The following CDK14 variants were observed in gnomAD, a reference collection of about 807,000 sequenced individuals.
CDK14 encodes cyclin dependent kinase 14, also known as cyclin-dependent kinase 14.
A neutral mutation model predicts 60.7 loss-of-function variants in CDK14; 34 were observed. That is an observed-to-expected ratio of 0.56 (90% CI 0.43 to 0.75). The LOEUF is 0.75. Ranked by LOEUF, CDK14 falls within the 30% of genes least tolerant of loss-of-function variation. The pLI is 0.00. For synonymous variants in CDK14, 197 were observed against 203.7 expected, an observed-to-expected ratio of 0.97 and a Z score of 0.28; for missense variants, 482 against 564.1, an observed-to-expected ratio of 0.85 and a Z score of 1.47.
intron 8 of CDK14, among the ~76,000 whole-genome samples, chr7:90,940,982 G>A (rs766835323): frequency 3.3e-5 from 5 of 152,200 alleles, no homozygotes; most frequent in African/African-American, 7.2e-5. Flanking sequence ...CATTACTCAT[G>A]TATTGATCCT....
intron 9 of CDK14, among the ~76,000 whole-genome samples, chr7:90,968,949 G>A (rs1021431022): frequency 3.3e-5 from 5 of 152,132 alleles, no homozygotes; most frequent in African/African-American, 1.2e-4. Context: ...GAGGTGCAAG[G>A]TGAGAAGGAC....
At chr7:91,076,108 G>A (rs997753899) in intron 11 of CDK14, among the ~76,000 whole-genome samples, 25 of 148,162 alleles carry the variant, frequency 1.7e-4, no homozygotes, top group African/African-American at 5.4e-4. Context: ...CACAGAATTA[G>A]AAAAAAAAAC....
At chr7:90,813,280 A>G (rs1294966140) in intron 5 of CDK14, among the ~76,000 whole-genome samples, 2 of 152,200 alleles carry the variant, frequency 1.3e-5, no homozygotes, top group Non-Finnish European at 2.9e-5. Context: ...GCTGGGAGCA[A>G]GGATTGACAG....
At chr7:90,599,400 A>G (rs1319574081) in intron 1 of CDK14, among the ~76,000 whole-genome samples, 1 of 152,196 alleles carries the variant, frequency 6.6e-6, no homozygotes, top group African/African-American at 2.4e-5. Flanking sequence ...GCAGGCCTGG[A>G]TTTGAACTGG....
chr7:90,606,110 T>C (rs1799413968), intron 2 of CDK14, among the ~76,000 whole-genome samples: 1 of 152,198 alleles, frequency 6.6e-6, no homozygotes, highest in Non-Finnish European at 1.5e-5. Flanking sequence ...CACAGAATGC[T>C]CTACTTGGAA....
chr7:91,109,089 G>A (rs541012787), intron 12 of CDK14, among the ~76,000 whole-genome samples: 1 of 152,168 alleles, frequency 6.6e-6, no homozygotes, highest in South Asian at 2.1e-4. Context: ...ATTGGAAGTT[G>A]TTTACCAGCT....
chr7:90,596,579 C>G lies in CDK14; in HGVS notation c.-49C>G. On this transcript the variant is annotated 5_prime_UTR_variant, in exon 1 of 15. Coordinates refer to ENST00000380050, the MANE Select transcript of CDK14 (RefSeq NM_001287135.2). ...GCGCGCGCCCTCGCCGTTGTCTGAGCTGTGCCTGGACCAGTTTGGGGAAGT... is the reference window on the plus strand; with the variant it reads ...GCGCGCGCCCTCGCCGTTGTCTGAGGTGTGCCTGGACCAGTTTGGGGAAGT... 9 of 1,515,478 alleles carry G rather than the reference C, an allele frequency of 5.9e-6. No individual in the cohort carries two copies. The highest frequency in any genetic ancestry group is 7.3e-6 in the Non-Finnish European group (8 of 1,094,248). 93.9% of individuals were successfully genotyped at this position (1,515,478 alleles called of 1,614,324 possible).
At chr7:90,839,989 A>G (rs983381377) in intron 5 of CDK14, among the ~76,000 whole-genome samples, 1 of 152,184 alleles carries the variant, frequency 6.6e-6, no homozygotes, top group African/African-American at 2.4e-5. Context: ...TGTAAAAAGA[A>G]TGAAGGATGT....
At chr7:90,753,645 A>C (rs1803936520) in intron 4 of CDK14, among the ~76,000 whole-genome samples, 1 of 152,204 alleles carries the variant, frequency 6.6e-6, no homozygotes, top group Non-Finnish European at 1.5e-5. Context: ...CAGAGCAATC[A>C]GGCAAGAGAA....
intron 2 of CDK14, among the ~76,000 whole-genome samples, chr7:90,635,356 A>G (rs1432965500): frequency 6.6e-6 from 1 of 152,264 alleles, no homozygotes; most frequent in Non-Finnish European, 1.5e-5. Flanking sequence ...ACAGATGGCT[A>G]GCCAGTTTTC....
At chr7:91,184,165 A>G (rs1253423652) in intron 14 of CDK14, among the ~76,000 whole-genome samples, 3 of 132,454 alleles carry the variant, frequency 2.3e-5, no homozygotes, top group African/African-American at 8.7e-5. Context: ...AGATTGCACC[A>G]CTGCACTCCA....
intron 14 of CDK14, among the ~76,000 whole-genome samples, chr7:91,190,405 C>T (rs1802324243): frequency 6.6e-6 from 1 of 152,178 alleles, no homozygotes; most frequent in Admixed American, 6.5e-5. Flanking sequence ...AACTAATGAC[C>T]ACCACAGAAG....
At chr7:90,812,791 G>A (rs1293396781) in intron 5 of CDK14, among the ~76,000 whole-genome samples, 1 of 152,072 alleles carries the variant, frequency 6.6e-6, no homozygotes, top group African/African-American at 2.4e-5. Flanking sequence ...TGGAATAATG[G>A]AACCCTTAAA....
chr7:90,886,528 G>A (rs918711513), intron 6 of CDK14, among the ~76,000 whole-genome samples: 3 of 152,104 alleles, frequency 2.0e-5, no homozygotes, highest in Non-Finnish European at 4.4e-5. Flanking sequence ...ATCCCAAACA[G>A]ACTAGATGGG....
At chr7:90,819,374 C>T (rs960693212) in intron 5 of CDK14, among the ~76,000 whole-genome samples, 5 of 152,084 alleles carry the variant, frequency 3.3e-5, no homozygotes, top group Admixed American at 3.3e-4. Context: ...CAGTTCCTTT[C>T]TGTTTACATG....
chr7:90,829,230 C>T (rs375755752), intron 5 of CDK14, among the ~76,000 whole-genome samples: 2 of 151,994 alleles, frequency 1.3e-5, no homozygotes, highest in East Asian at 1.9e-4. Flanking sequence ...ATATCATTCT[C>T]CCCCTGGCCT....
chr7:91,026,726 T>C (rs1366849358), intron 10 of CDK14, among the ~76,000 whole-genome samples: 1 of 152,214 alleles, frequency 6.6e-6, no homozygotes, highest in Non-Finnish European at 1.5e-5. Context: ...TTTATATATG[T>C]CTGCGTAAAT....
intron 3 of CDK14, among the ~76,000 whole-genome samples, chr7:90,740,763 T>C (rs1368063798): frequency 5.3e-5 from 8 of 152,210 alleles, no homozygotes. Flanking sequence ...CTTTAAACAC[T>C]GTTAATTTGT....
intron 14 of CDK14, among the ~76,000 whole-genome samples, chr7:91,120,335 A>AT (rs142471632): frequency 3.9e-5 from 6 of 152,256 alleles, no homozygotes; most frequent in Admixed American, 3.3e-4. Context: ...TTGAAAAGAG[A>AT]TTTTTTTAAA....
Sources: allele counts gnomAD v4.1 joint callset (sites outside exome capture counted in the v4.1 genomes callset), GRCh38; gene constraint gnomAD v4.1.1; transcripts MANE v1.5; gene names NCBI Gene and HGNC (gene_info 2026-07-23, HGNC 2026-07-21).